Variants in SATB2 observed in about 807,000 individuals in gnomAD.
SATB2 encodes DNA-binding protein SATB2.
In SATB2, 1 loss-of-function variant was observed where a neutral mutation model predicts 73.4. That is an observed-to-expected ratio of 0.01 (90% CI 0.00 to 0.06). The LOEUF is 0.06. Among genes scored for constraint, SATB2 ranks in the 10% least tolerant of loss-of-function variants. The probability of loss-of-function intolerance (pLI) is 1.00; values close to 1 mark genes in which losing one functional copy is unlikely to be tolerated. For missense variants in SATB2, 459 were observed against 945.8 expected, an observed-to-expected ratio of 0.49 and a Z score of 6.75; for synonymous variants, 397 against 367.0, an observed-to-expected ratio of 1.08 and a Z score of -0.93.
chr2:199,418,592 G>A (rs894329985), intron 3 of SATB2, among the ~76,000 whole-genome samples: 7 of 151,948 alleles, frequency 4.6e-5, no homozygotes, highest in African/African-American at 1.7e-4. Flanking sequence ...ATCTTAACGT[G>A]GTTTGCTTCT....
intron 2 of SATB2, among the ~76,000 whole-genome samples, chr2:199,446,478 C>A (rs1394261362): frequency 2.0e-5 from 3 of 151,508 alleles, no homozygotes; most frequent in Non-Finnish European, 4.4e-5. Context: ...AGAAGGTGAT[C>A]GTATGAAAAA....
At chr2:199,420,117 T>A (rs570461352) in intron 3 of SATB2, among the ~76,000 whole-genome samples, 1 of 152,284 alleles carries the variant, frequency 6.6e-6, no homozygotes, top group African/African-American at 2.4e-5. Context: ...AACATTTAGG[T>A]CCTGGCTCCA....
intron 7 of SATB2, among the ~76,000 whole-genome samples, chr2:199,333,472 T>G (rs1038568882): frequency 2.6e-5 from 4 of 152,078 alleles, no homozygotes; most frequent in African/African-American, 9.7e-5. Context: ...GGATATAAAG[T>G]TACGATGAAT....
At chr2:199,305,890 C>A (rs1337055044) in intron 10 of SATB2, among the ~76,000 whole-genome samples, 1 of 152,104 alleles carries the variant, frequency 6.6e-6, no homozygotes, top group Non-Finnish European at 1.5e-5. Flanking sequence ...AGAGGACTTA[C>A]GTGTTTTTTA....
chr2:199,279,578 T>C (rs1304911682), intron 10 of SATB2, among the ~76,000 whole-genome samples: 1 of 152,152 alleles, frequency 6.6e-6, no homozygotes, highest in Non-Finnish European at 1.5e-5. Flanking sequence ...TATAAGGTGG[T>C]TGATCCAGTG....
chr2:199,381,595 C>T lies in SATB2; in HGVS notation c.473+99G>A, dbSNP rs2305262. The T allele has an allele frequency of 0.27, 409,676 of 1,514,474 alleles. 61,536 individuals are homozygous for T. Among genetic ancestry groups the T allele is most frequent in the East Asian group, 0.65 (28,555 of 44,112 alleles). 93.8% of individuals were successfully genotyped at this position (1,514,474 alleles called of 1,614,324 possible). On this transcript the variant is annotated intron_variant, in intron 4 of 10. Coordinates refer to ENST00000417098, the MANE Select transcript of SATB2 (RefSeq NM_001172509.2). ...CCTTCTTTTCATTTTGTCCAATGTC[C>T]AGAAATTAATAGACAGGACATGCTG...
chr2:199,398,793 T>G (rs1050473149), intron 3 of SATB2, among the ~76,000 whole-genome samples: 1 of 152,218 alleles, frequency 6.6e-6, no homozygotes, highest in African/African-American at 2.4e-5. Flanking sequence ...ATTTAGAATC[T>G]TAGAAGATTC....
At chr2:199,322,717 A>C (rs918719011) in intron 9 of SATB2, among the ~76,000 whole-genome samples, 1 of 152,154 alleles carries the variant, frequency 6.6e-6, no homozygotes, top group African/African-American at 2.4e-5. Flanking sequence ...TGTACTCTAT[A>C]ATTAATCTAA....
chr2:199,335,628 A>G (rs958189346), intron 7 of SATB2, among the ~76,000 whole-genome samples: 2 of 152,170 alleles, frequency 1.3e-5, no homozygotes, highest in African/African-American at 4.8e-5. Flanking sequence ...ACAAATGCAT[A>G]TTTTTTAAAT....
intron 10 of SATB2, among the ~76,000 whole-genome samples, chr2:199,299,319 T>C (rs1469921903): frequency 3.9e-5 from 6 of 152,212 alleles, no homozygotes; most frequent in African/African-American, 1.2e-4. Flanking sequence ...TTAGACTCTA[T>C]AGAATAGATT....
At chr2:199,339,370 A>G (rs934838322) in intron 7 of SATB2, among the ~76,000 whole-genome samples, 1 of 152,234 alleles carries the variant, frequency 6.6e-6, no homozygotes, top group Non-Finnish European at 1.5e-5. Context: ...AATTCAAGCT[A>G]GTGATCCTGA....
At chr2:199,438,102 A>G (rs1305570281) in intron 2 of SATB2, among the ~76,000 whole-genome samples, 1 of 152,222 alleles carries the variant, frequency 6.6e-6, no homozygotes, top group East Asian at 1.9e-4. Context: ...ACTTAATAAC[A>G]AAAACAAATA....
intron 3 of SATB2, among the ~76,000 whole-genome samples, chr2:199,426,098 T>C (rs1256648097): frequency 6.6e-6 from 1 of 152,092 alleles, no homozygotes; most frequent in Non-Finnish European, 1.5e-5. Context: ...CTGTTAAAAG[T>C]TAGCTCTAAG....
intron 10 of SATB2, among the ~76,000 whole-genome samples, chr2:199,293,925 T>C (rs1692948143): frequency 7.3e-6 from 1 of 137,566 alleles, no homozygotes; most frequent in Non-Finnish European, 1.5e-5. Context: ...TCAGCATCTA[T>C]TTCCTTTCAA....
intron 5 of SATB2, among the ~76,000 whole-genome samples, chr2:199,375,121 G>A (rs1689561668): frequency 6.6e-6 from 1 of 152,148 alleles, no homozygotes; most frequent in South Asian, 2.1e-4. Context: ...CTGGGGTTTT[G>A]CAATCAAAAG....
At chr2:199,293,229 A>G (rs1331611722) in intron 10 of SATB2, among the ~76,000 whole-genome samples, 1 of 152,202 alleles carries the variant, frequency 6.6e-6, no homozygotes, top group Non-Finnish European at 1.5e-5. Context: ...CAATGACAGT[A>G]TTTCTCCTGT....
intron 3 of SATB2, among the ~76,000 whole-genome samples, chr2:199,399,432 A>G (rs1690403438): frequency 6.6e-6 from 1 of 152,108 alleles, no homozygotes; most frequent in Non-Finnish European, 1.5e-5. Flanking sequence ...GACTGCAAAG[A>G]CCCTGCATTT....
At chr2:199,407,420 A>G (rs1364711345) in intron 3 of SATB2, among the ~76,000 whole-genome samples, 1 of 152,150 alleles carries the variant, frequency 6.6e-6, no homozygotes, top group Non-Finnish European at 1.5e-5. Flanking sequence ...CTTAATTAAG[A>G]CTAGGTAACT....
At chr2:199,397,274 T>G (rs1380217519) in intron 3 of SATB2, among the ~76,000 whole-genome samples, 1 of 152,218 alleles carries the variant, frequency 6.6e-6, no homozygotes, top group East Asian at 1.9e-4. Context: ...ATATGCCTAA[T>G]AGAGAAAAAT....
Sources: gnomAD v4.1 joint callset for allele counts (sites outside exome capture counted in the v4.1 genomes callset) on GRCh38, gnomAD v4.1.1 for gene constraint, MANE v1.5 for transcripts, NCBI Gene and HGNC (gene_info 2026-07-23, HGNC 2026-07-21) for gene names.